Variants in GABRB1 observed in about 807,000 individuals in gnomAD.
GABRB1 encodes the protein gamma-aminobutyric acid receptor subunit beta-1.
A neutral mutation model predicts 51.6 loss-of-function variants in GABRB1; 17 were observed. The ratio of observed to expected loss-of-function variants is 0.33; its 90% CI spans 0.23 to 0.49. The LOEUF is 0.49. Ranked by LOEUF, GABRB1 falls within the 20% of genes least tolerant of loss-of-function variation. The probability of loss-of-function intolerance (pLI) is 0.99; values close to 1 mark genes in which losing one functional copy is unlikely to be tolerated. For synonymous variants in GABRB1, 247 were observed against 218.9 expected, an observed-to-expected ratio of 1.13 and a Z score of -1.14; for missense variants, 410 against 600.6, an observed-to-expected ratio of 0.68 and a Z score of 3.32.
intron 4 of GABRB1, among the ~76,000 whole-genome samples, chr4:47,253,070 G>A (rs1417947183): frequency 2.0e-5 from 3 of 152,152 alleles, no homozygotes; most frequent in African/African-American, 4.8e-5. Flanking sequence ...AGCAAAGTGA[G>A]GTACAAAGAG....
chr4:47,312,070 T>TGTGTGTGTGA (rs35215831), intron 4 of GABRB1, among the ~76,000 whole-genome samples: 26 of 149,430 alleles, frequency 1.7e-4, no homozygotes, highest in African/African-American at 5.5e-4. Flanking sequence ...TGTGTGTGTG[T>TGTGTGTGTGA]GCGCGTGCAT....
chr4:47,159,412 C>T (rs1717840999), intron 3 of GABRB1, among the ~76,000 whole-genome samples: 1 of 151,940 alleles, frequency 6.6e-6, no homozygotes, highest in Non-Finnish European at 1.5e-5. Context: ...CATAATCTGC[C>T]CAATTCATTT....
intron 3 of GABRB1, among the ~76,000 whole-genome samples, chr4:47,107,868 A>G (rs77026558): frequency 0.056 from 8,587 of 152,182 alleles, 367 homozygotes; most frequent in Middle Eastern, 0.11. Context: ...AGTAACTTTT[A>G]GATAGTATCA....
chr4:46,996,778 T>A (rs1199243911), intron 1 of GABRB1, among the ~76,000 whole-genome samples: 1 of 152,162 alleles, frequency 6.6e-6, no homozygotes, highest in East Asian at 1.9e-4. Context: ...TGTCAATTTA[T>A]CATATGTCCA....
chr4:47,149,276 T>C (rs1295534680), intron 3 of GABRB1, among the ~76,000 whole-genome samples: 2 of 152,048 alleles, frequency 1.3e-5, no homozygotes, highest in African/African-American at 4.8e-5. Context: ...AATGAAAATG[T>C]GTATTATTAA....
At chr4:47,023,987 C>T (rs1051223987) in intron 1 of GABRB1, among the ~76,000 whole-genome samples, 4 of 151,808 alleles carry the variant, frequency 2.6e-5, no homozygotes, top group African/African-American at 9.7e-5. Context: ...TTTGCAATGC[C>T]ATCTAGATTG....
At chr4:47,199,376 T>C (rs1719811267) in intron 4 of GABRB1, among the ~76,000 whole-genome samples, 1 of 152,100 alleles carries the variant, frequency 6.6e-6, no homozygotes, top group African/African-American at 2.4e-5. Context: ...TTTGAATATA[T>C]GAAATGTACG....
At chr4:47,121,613 T>C (rs1437889114) in intron 3 of GABRB1, among the ~76,000 whole-genome samples, 1 of 152,190 alleles carries the variant, frequency 6.6e-6, no homozygotes, top group Non-Finnish European at 1.5e-5. Context: ...TTTTATAACA[T>C]ATGAGGACAC....
At chr4:47,414,522 T>A (rs1307525811) in intron 8 of GABRB1, among the ~76,000 whole-genome samples, 1 of 152,192 alleles carries the variant, frequency 6.6e-6, no homozygotes, top group Non-Finnish European at 1.5e-5. Context: ...TGACTTTGAA[T>A]AGAATGGGAG....
intron 4 of GABRB1, among the ~76,000 whole-genome samples, chr4:47,294,697 A>C (rs1723896869): frequency 6.6e-6 from 1 of 152,230 alleles, no homozygotes; most frequent in Non-Finnish European, 1.5e-5. Context: ...AAACAAAAAG[A>C]CAGCAGTAAC....
chr4:47,298,896 G>C (rs1415999494), intron 4 of GABRB1, among the ~76,000 whole-genome samples: 1 of 151,804 alleles, frequency 6.6e-6, no homozygotes, highest in Non-Finnish European at 1.5e-5. Flanking sequence ...CAGAGATATA[G>C]ACCAATGGAA....
intron 1 of GABRB1, among the ~76,000 whole-genome samples, chr4:47,025,337 G>A (rs1020957033): frequency 1.3e-5 from 2 of 151,858 alleles, no homozygotes; most frequent in Non-Finnish European, 2.9e-5. Context: ...TTCCATAGTG[G>A]TTGTACTAGT....
chr4:47,294,788 C>T (rs551488922), intron 4 of GABRB1, among the ~76,000 whole-genome samples: 49 of 152,292 alleles, frequency 3.2e-4, no homozygotes, highest in African/African-American at 8.4e-4. Flanking sequence ...GATCTGAGAA[C>T]GGGCAGACTG....
chr4:47,082,516 C>A lies in GABRB1; in HGVS notation c.240+50032C>A, dbSNP rs1577891376. On this transcript the variant is annotated intron_variant, in intron 3 of 8. Coordinates refer to ENST00000295454, the MANE Select transcript of GABRB1 (RefSeq NM_000812.4). ...AGAACAACTTTCTCACTATGTCATTCTCTGCTATTTCTTTAATTACTTAAA... is the reference window on the plus strand; with the variant it reads ...AGAACAACTTTCTCACTATGTCATTATCTGCTATTTCTTTAATTACTTAAA... 2.0e-5 allele frequency among the ~76,000 whole-genome samples: 3 copies of A among 152,090 alleles called. No individual in the cohort carries two copies. In the South Asian group the frequency reaches 6.2e-4, roughly 32 times the overall value.
At chr4:47,284,097 C>CAA (rs780643469) in intron 4 of GABRB1, among the ~76,000 whole-genome samples, 1,517 of 47,688 alleles carry the variant, frequency 0.032, 26 homozygotes, top group South Asian at 0.043. Flanking sequence ...GACTCAGTCT[C>CAA]AAAAAAAAAA....
At chr4:47,063,104 C>G (rs1418130234) in intron 3 of GABRB1, among the ~76,000 whole-genome samples, 1 of 152,112 alleles carries the variant, frequency 6.6e-6, no homozygotes, top group Non-Finnish European at 1.5e-5. Context: ...AGGCCCTAAG[C>G]AATCCCTCTG....
At chr4:47,107,955 G>T (rs377467441) in intron 3 of GABRB1, among the ~76,000 whole-genome samples, 10 of 151,914 alleles carry the variant, frequency 6.6e-5, no homozygotes, top group South Asian at 2.1e-4. Context: ...TCAATACTTC[G>T]TTTGATCAAC....
intron 4 of GABRB1, among the ~76,000 whole-genome samples, chr4:47,240,697 T>C (rs185960884): frequency 1.6e-4 from 24 of 152,352 alleles, no homozygotes; most frequent in African/African-American, 5.5e-4. Flanking sequence ...ATTTAAATTT[T>C]CAGTACCTCA....
intron 4 of GABRB1, among the ~76,000 whole-genome samples, chr4:47,237,143 G>C (rs558523567): frequency 6.6e-6 from 1 of 151,824 alleles, no homozygotes; most frequent in Non-Finnish European, 1.5e-5. Context: ...AATGAAAAAG[G>C]TTATAATTTT....
Sources: gnomAD v4.1 joint callset for allele counts (sites outside exome capture counted in the v4.1 genomes callset) on GRCh38, gnomAD v4.1.1 for gene constraint, MANE v1.5 for transcripts, NCBI Gene and HGNC (gene_info 2026-07-23, HGNC 2026-07-21) for gene names.